NTNG1: variants seen among roughly 807,000 people sequenced by gnomAD.
NTNG1 encodes netrin G1.
A neutral mutation model predicts 54.0 loss-of-function variants in NTNG1; 16 were observed. The ratio of observed to expected loss-of-function variants is 0.30; its 90% CI spans 0.20 to 0.45. The LOEUF is 0.45. NTNG1 is among the 20% of genes least tolerant of loss of function. The pLI, the probability that NTNG1 is intolerant of heterozygous loss-of-function variation, is 1.00. For synonymous variants in NTNG1, 255 were observed against 263.1 expected, an observed-to-expected ratio of 0.97 and a Z score of 0.30; for missense variants, 530 against 678.7, an observed-to-expected ratio of 0.78 and a Z score of 2.43.
intron 2 of NTNG1, among the ~76,000 whole-genome samples, chr1:107,244,301 T>TA (rs1662040513): frequency 6.6e-6 from 1 of 152,248 alleles, no homozygotes; most frequent in South Asian, 2.1e-4. Context: ...ATTTTTCTCT[T>TA]ATGCTGCCTG....
At chr1:107,416,280 G>A (rs935793822) in intron 5 of NTNG1, among the ~76,000 whole-genome samples, 1 of 151,704 alleles carries the variant, frequency 6.6e-6, no homozygotes, top group Non-Finnish European at 1.5e-5. Context: ...GTAGTTTAAC[G>A]AAGTTAGGCA....
chr1:107,294,221 T>C (rs1318799188), intron 2 of NTNG1, among the ~76,000 whole-genome samples: 1 of 152,196 alleles, frequency 6.6e-6, no homozygotes. Flanking sequence ...AGTCCAGAGC[T>C]TTTAATTTGA....
chr1:107,421,889 T>C (rs569306201), intron 5 of NTNG1, among the ~76,000 whole-genome samples: 2 of 152,246 alleles, frequency 1.3e-5, no homozygotes, highest in East Asian at 3.9e-4. Flanking sequence ...GTTTTGTTTT[T>C]TGTTTTTTCA....
chr1:107,234,649 T>A (rs1661289253), intron 2 of NTNG1, among the ~76,000 whole-genome samples: 3 of 152,158 alleles, frequency 2.0e-5, no homozygotes, highest in Non-Finnish European at 4.4e-5. Flanking sequence ...GCCAAAAAAT[T>A]ACAGAAGCAA....
rs1043795276 is a variant in NTNG1 at position 107,353,498 on chromosome 1, C to A, written c.887+28576C>A. On this transcript the variant is annotated intron_variant, in intron 3 of 7. Transcript: ENST00000370068. Reference sequence around the variant, plus strand: ...TCCGAGACCTCCTCAGCCTAGACTTCATTGTCCATATCACTATTCACATTT... The same window carrying A: ...TCCGAGACCTCCTCAGCCTAGACTTAATTGTCCATATCACTATTCACATTT... 2.0e-5 allele frequency among the ~76,000 whole-genome samples: 3 copies of A among 152,120 alleles called. No homozygotes were observed. The East Asian group carries it at 5.8e-4, about 29-fold the overall frequency.
intron 2 of NTNG1, among the ~76,000 whole-genome samples, chr1:107,218,888 G>T (rs1038191765): frequency 1.3e-5 from 2 of 152,098 alleles, no homozygotes; most frequent in Admixed American, 1.3e-4. Context: ...CCTAGGTGAT[G>T]ATCTTTTTGC....
At chr1:107,320,515 A>G (rs1667593230) in intron 2 of NTNG1, among the ~76,000 whole-genome samples, 1 of 152,068 alleles carries the variant, frequency 6.6e-6, no homozygotes, top group Admixed American at 6.6e-5. Flanking sequence ...TTTAACAGGA[A>G]TTATTTTCAT....
rs1218675952 is a variant in NTNG1, at chr1:107,223,965, G to C, written c.246+75126G>C. Among the ~76,000 whole-genome samples, 2 of 152,144 alleles carry C rather than the reference G, an allele frequency of 1.3e-5. 1 individual carries two copies. The highest frequency in any genetic ancestry group is 3.9e-4 in the East Asian group (2 of 5,192). On this transcript the variant is annotated intron_variant, in intron 2 of 7. Coordinates refer to ENST00000370068, the MANE Select transcript of NTNG1 (RefSeq NM_001113226.3). ...TGACAATACAAGAGCTAAAAGTACT[G>C]TCCTTTACATGGGAATTTTCAAAAT... is the stretch of plus-strand genomic sequence containing the variant.
intron 2 of NTNG1, among the ~76,000 whole-genome samples, chr1:107,206,346 T>G (rs1659191625): frequency 6.6e-6 from 1 of 152,160 alleles, no homozygotes; most frequent in African/African-American, 2.4e-5. Context: ...AAGTGTATAG[T>G]GGTGTTTCAC....
chr1:107,421,864 A>G (rs2101248813), intron 5 of NTNG1, among the ~76,000 whole-genome samples: 1 of 152,172 alleles, frequency 6.6e-6, no homozygotes, highest in East Asian at 1.9e-4. Context: ...ACTGTTGGGC[A>G]TATGTCACGT....
intron 7 of NTNG1, among the ~76,000 whole-genome samples, chr1:107,437,622 C>A (rs1217989397): frequency 6.6e-6 from 1 of 152,088 alleles, no homozygotes; most frequent in Non-Finnish European, 1.5e-5. Flanking sequence ...GAAAATCAAG[C>A]AAGCCACATA....
At chr1:107,475,419 A>T (rs1432772045) in intron 7 of NTNG1, among the ~76,000 whole-genome samples, 1 of 152,128 alleles carries the variant, frequency 6.6e-6, no homozygotes, top group East Asian at 1.9e-4. Flanking sequence ...GCAAGCTCTG[A>T]TTTTACTGCT....
intron 2 of NTNG1, among the ~76,000 whole-genome samples, chr1:107,294,342 G>A (rs1258347981): frequency 6.6e-6 from 1 of 152,122 alleles, no homozygotes; most frequent in Non-Finnish European, 1.5e-5. Flanking sequence ...TATGAATAAG[G>A]CCAAAGTTCC....
intron 2 of NTNG1, among the ~76,000 whole-genome samples, chr1:107,304,171 C>G (rs1666512041): frequency 6.6e-6 from 1 of 152,064 alleles, no homozygotes; most frequent in Non-Finnish European, 1.5e-5. Flanking sequence ...GAGTATCTGG[C>G]ACTATTGATC....
intron 2 of NTNG1, among the ~76,000 whole-genome samples, chr1:107,301,605 T>C (rs945075335): frequency 6.6e-6 from 1 of 152,162 alleles, no homozygotes; most frequent in Non-Finnish European, 1.5e-5. Flanking sequence ...AATAAGAAAT[T>C]TTAAAGGATG....
chr1:107,412,681 T>C (rs673205), intron 5 of NTNG1, among the ~76,000 whole-genome samples: 142,366 of 152,174 alleles, frequency 0.94, 67,118 homozygotes, highest in Non-Finnish European at 0.99. Context: ...TGTTGTCACC[T>C]GGAGAACTTA....
At chr1:107,334,984 C>G (rs1668496847) in intron 3 of NTNG1, among the ~76,000 whole-genome samples, 1 of 152,016 alleles carries the variant, frequency 6.6e-6, no homozygotes, top group East Asian at 1.9e-4. Flanking sequence ...TTCATCCAAT[C>G]AACCAGATCG....
chr1:107,223,765 T>G (rs1421817057), intron 2 of NTNG1, among the ~76,000 whole-genome samples: 1 of 152,142 alleles, frequency 6.6e-6, no homozygotes, highest in Non-Finnish European at 1.5e-5. Flanking sequence ...GGCCTTTTCT[T>G]TTAAGGTCAG....
intron 2 of NTNG1, among the ~76,000 whole-genome samples, chr1:107,283,921 T>A (rs1045564770): frequency 5.3e-5 from 8 of 152,194 alleles, no homozygotes; most frequent in African/African-American, 1.9e-4. Flanking sequence ...TATATCTTTC[T>A]TTTGCTTTCT....
Sources: allele counts gnomAD v4.1 joint callset (sites outside exome capture counted in the v4.1 genomes callset), GRCh38; gene constraint gnomAD v4.1.1; transcripts MANE v1.5; gene names NCBI Gene and HGNC (gene_info 2026-07-23, HGNC 2026-07-21).